SORCS3: variants seen among roughly 807,000 people sequenced by gnomAD.
SORCS3 encodes the protein VPS10 domain-containing receptor SorCS3.
SORCS3 carries 57 observed loss-of-function variants against 146.3 expected under a neutral mutation model. The ratio of observed to expected loss-of-function variants is 0.39; its 90% CI spans 0.31 to 0.49. SORCS3 has a LOEUF of 0.49. SORCS3 is among the 20% of genes least tolerant of loss of function. The pLI is 0.92. For missense variants in SORCS3, 1,341 were observed against 1,575.5 expected, an observed-to-expected ratio of 0.85 and a Z score of 2.52; for synonymous variants, 653 against 618.5, an observed-to-expected ratio of 1.06 and a Z score of -0.83.
At chr10:104,893,209 G>A (rs1232512760) in intron 2 of SORCS3, among the ~76,000 whole-genome samples, 1 of 152,166 alleles carries the variant, frequency 6.6e-6, no homozygotes, top group Non-Finnish European at 1.5e-5. Context: ...AATTGACTTG[G>A]GTCCCAAGGA....
chr10:105,032,087 G>A (rs1471271090), intron 4 of SORCS3, among the ~76,000 whole-genome samples: 1 of 152,158 alleles, frequency 6.6e-6, no homozygotes, highest in Non-Finnish European at 1.5e-5. Context: ...AGCTACTCGG[G>A]AGGCTGAGGC....
chr10:105,082,181 G>C (rs149137200), intron 5 of SORCS3, among the ~76,000 whole-genome samples: 1 of 152,334 alleles, frequency 6.6e-6, no homozygotes, highest in East Asian at 1.9e-4. Context: ...GAGGAGACCA[G>C]ATTGTTACAG....
chr10:104,693,308 G>T (rs1480727981), intron 1 of SORCS3, among the ~76,000 whole-genome samples: 1 of 152,208 alleles, frequency 6.6e-6, no homozygotes, highest in Non-Finnish European at 1.5e-5. Flanking sequence ...ACACACAGGT[G>T]ATGAGGGTGA....
chr10:104,826,959 A>T (rs2017943624), intron 1 of SORCS3, among the ~76,000 whole-genome samples: 1 of 152,188 alleles, frequency 6.6e-6, no homozygotes, highest in Non-Finnish European at 1.5e-5. Context: ...ATCTCAAGAA[A>T]CTGCTTTCTT....
chr10:105,214,357 C>T lies in SORCS3; in HGVS notation c.2376-85C>T, dbSNP rs1281106439. On this transcript the variant is annotated intron_variant, in intron 17 of 26. Coordinates refer to ENST00000369701, the MANE Select transcript of SORCS3 (RefSeq NM_014978.3). The stretch of plus-strand genomic sequence containing the variant: ...TGTTTTGCTCTTGCTCTCTTACATT[C>T]CCTTTATAACACACACACACACACA... The T allele has an allele frequency of 6.7e-6, 8 of 1,193,602 alleles. 1 individual carries two copies. Among genetic ancestry groups the T allele is most frequent in the South Asian group, 3.3e-5 (2 of 61,468 alleles). 73.9% of individuals were successfully genotyped at this position (1,193,602 alleles called of 1,614,324 possible). A position where few individuals can be genotyped will look rare whatever the true frequency, so the allele number is the denominator to read the frequency against.
At chr10:105,087,148 G>T (rs1238807159) in intron 5 of SORCS3, among the ~76,000 whole-genome samples, 5 of 152,230 alleles carry the variant, frequency 3.3e-5, no homozygotes, top group Admixed American at 3.3e-4. Flanking sequence ...TCTGCATGTG[G>T]CTCGCCTGTT....
intron 4 of SORCS3, among the ~76,000 whole-genome samples, chr10:105,040,199 C>A (rs1229985537): frequency 6.6e-6 from 1 of 152,128 alleles, no homozygotes; most frequent in South Asian, 2.1e-4. Flanking sequence ...TGGATATATT[C>A]TTCCCAATGG....
At chr10:105,241,516 G>A (rs541748251) in intron 20 of SORCS3, among the ~76,000 whole-genome samples, 4 of 152,328 alleles carry the variant, frequency 2.6e-5, no homozygotes, top group East Asian at 1.9e-4. Context: ...CTGCCACTGC[G>A]AGTAAAGGGC....
chr10:105,009,539 A>ACC, intron 4 of SORCS3, among the ~76,000 whole-genome samples: 2 of 151,196 alleles, frequency 1.3e-5, no homozygotes, highest in South Asian at 4.2e-4. Flanking sequence ...AAAAAAAAAA[A>ACC]AAAAAAAAAA....
At chr10:104,965,473 T>C (rs2054821323) in intron 3 of SORCS3, among the ~76,000 whole-genome samples, 1 of 152,252 alleles carries the variant, frequency 6.6e-6, no homozygotes, top group African/African-American at 2.4e-5. Flanking sequence ...ATTCTATTTT[T>C]AATTATTTGT....
intron 13 of SORCS3, among the ~76,000 whole-genome samples, chr10:105,172,536 CATT>C (rs1468625367): frequency 1.3e-5 from 2 of 152,168 alleles, no homozygotes. Context: ...CCTTCACTGA[CATT>C]ATCCCTTTCT....
intron 4 of SORCS3, among the ~76,000 whole-genome samples, chr10:104,990,785 A>G (rs1247326061): frequency 6.6e-6 from 1 of 152,166 alleles, no homozygotes; most frequent in Non-Finnish European, 1.5e-5. Context: ...AGCTCTTTGA[A>G]GATGAGGACT....
Position 104,728,413 on chromosome 10 carries a change from G to A in SORCS3, c.627+86459G>A, listed in dbSNP as rs142675968. Among the ~76,000 whole-genome samples, 24 of 152,298 alleles carry A rather than the reference G, an allele frequency of 1.6e-4. No homozygotes were observed. In the Middle Eastern group the frequency reaches 0.024, roughly 151 times the overall value. ...CTACTGCAGGGCTGAGAAAACCTAG[G>A]CAAGACTGAGAATTAACTTGGTTTA... On this transcript the variant is annotated intron_variant, in intron 1 of 26. Coordinates refer to ENST00000369701, the MANE Select transcript of SORCS3 (RefSeq NM_014978.3).
chr10:104,966,195 A>G (rs1325333739), intron 3 of SORCS3, among the ~76,000 whole-genome samples: 1 of 151,512 alleles, frequency 6.6e-6, no homozygotes, highest in African/African-American at 2.4e-5. Flanking sequence ...ACATATCTCC[A>G]TATGTTTCAA....
At chr10:105,152,400 A>G (rs1217579466) in intron 9 of SORCS3, among the ~76,000 whole-genome samples, 4 of 152,318 alleles carry the variant, frequency 2.6e-5, no homozygotes, top group African/African-American at 9.6e-5. Flanking sequence ...TATACGTTCA[A>G]TGTAAACAAT....
chr10:105,034,623 C>T (rs991793069), intron 4 of SORCS3, among the ~76,000 whole-genome samples: 6 of 152,108 alleles, frequency 3.9e-5, no homozygotes, highest in African/African-American at 1.4e-4. Context: ...TGCATAAGCA[C>T]GTCTTCCAGA....
At chr10:104,797,583 C>T (rs574306735) in intron 1 of SORCS3, among the ~76,000 whole-genome samples, 2 of 152,090 alleles carry the variant, frequency 1.3e-5, no homozygotes, top group East Asian at 1.9e-4. Context: ...CTACTATGTG[C>T]CTCACACATT....
Position 104,858,712 on chromosome 10 carries a change from C to T in SORCS3, c.695+15853C>T, listed in dbSNP as rs182884571. On this transcript the variant is annotated intron_variant, in intron 2 of 26. Coordinates refer to ENST00000369701, the MANE Select transcript of SORCS3 (RefSeq NM_014978.3). Reference sequence around the variant, plus strand: ...TCTCGGCTCACTGAAAGCTCTGCCTCCCGGGTTCAAGCCATTCTCCTGCCT... The same window carrying T: ...TCTCGGCTCACTGAAAGCTCTGCCTTCCGGGTTCAAGCCATTCTCCTGCCT... 5.7e-3 allele frequency among the ~76,000 whole-genome samples: 859 copies of T among 150,048 alleles called. 14 individuals carry two copies. Among genetic ancestry groups the T allele is most frequent in the African/African-American group, 0.02 (798 of 40,620 alleles).
At chr10:104,803,734 C>T (rs142201444) in intron 1 of SORCS3, among the ~76,000 whole-genome samples, 82 of 152,266 alleles carry the variant, frequency 5.4e-4, no homozygotes, top group African/African-American at 1.7e-3. Context: ...CATTTATTCA[C>T]TCAAGCTCTC....
Sources: allele counts gnomAD v4.1 joint callset (sites outside exome capture counted in the v4.1 genomes callset), GRCh38; gene constraint gnomAD v4.1.1; transcripts MANE v1.5; gene names NCBI Gene and HGNC (gene_info 2026-07-23, HGNC 2026-07-21).